The following FBN1 variants were observed in gnomAD, a reference collection of about 807,000 sequenced individuals.
FBN1 encodes the protein fibrillin-1.
Under a neutral mutation model 365.1 loss-of-function variants are expected in FBN1, and 29 were observed. That is an observed-to-expected ratio of 0.08 (90% CI 0.06 to 0.11). The LOEUF is 0.11. FBN1 is among the 10% of genes least tolerant of loss of function. FBN1 has a pLI of 1.00. For missense variants in FBN1, 2,476 were observed against 3,703.2 expected, an observed-to-expected ratio of 0.67 and a Z score of 8.60; for synonymous variants, 1,210 against 1,270.5, an observed-to-expected ratio of 0.95 and a Z score of 1.01.
intron 15 of FBN1, among the ~76,000 whole-genome samples, chr15:48,507,118 G>A (rs529495291): frequency 2.0e-5 from 3 of 152,266 alleles, no homozygotes; most frequent in South Asian, 2.1e-4. Context: ...ATGTTGGGAC[G>A]CTGTGGCCTG....
chr15:48,562,313 T>C (rs1246164515), intron 6 of FBN1, among the ~76,000 whole-genome samples: 1 of 152,184 alleles, frequency 6.6e-6, no homozygotes, highest in African/African-American at 2.4e-5. Flanking sequence ...ATTACTGTGA[T>C]ATATCTACTT....
chr15:48,437,111 G>A (rs751438568), intron 52 of FBN1, 34 bp from the exon 53 acceptor site: 5 of 1,427,342 alleles, frequency 3.5e-6, no homozygotes, highest in Non-Finnish European at 4.9e-6. Flanking sequence ...TGAATAACAA[G>A]GTATTTTTTA....
intron 19 of FBN1, 62 bp from the exon 20 acceptor site, chr15:48,496,287 C>A: frequency 6.2e-7 from 1 of 1,605,158 alleles, no homozygotes; most frequent in Non-Finnish European, 8.5e-7. Flanking sequence ...ATCTACTTTG[C>A]TCTTTTACAT....
chr15:48,435,724 A>ATGTGTATATATATG (rs1177439299), intron 53 of FBN1, among the ~76,000 whole-genome samples: 3 of 143,458 alleles, frequency 2.1e-5, no homozygotes, highest in Non-Finnish European at 3.0e-5. Flanking sequence ...GTGTATATAT[A>ATGTGTATATATATG]TGTGTATATA....
Position 48,487,198 on chromosome 15 carries a change from T to C in FBN1, c.3466A>G (p.Ile1156Val). The C allele has an allele frequency of 6.2e-7, 1 of 1,614,160 alleles. No individual in the cohort carries two copies. The highest frequency in any genetic ancestry group is 1.3e-5 in the African/African-American group (1 of 75,042). Residue 1156 changes from isoleucine to valine, a missense_variant and splice_region_variant, in exon 29 of 66, where the codon ATC (isoleucine) becomes GTC (valine). Coordinates refer to ENST00000316623, the MANE Select transcript of FBN1 (RefSeq NM_000138.5). ...LSPNISACIDINECELSAHLC... is the reference protein window; with the variant it reads ...LSPNISACIDVNECELSAHLC... Reference sequence around the variant, plus strand: ...TGTGCACTCAGCTCACATTCATTGATGTCTGTCGGGAAAATAAGAAGAACA... The same window carrying C: ...TGTGCACTCAGCTCACATTCATTGACGTCTGTCGGGAAAATAAGAAGAACA...
At chr15:48,559,529 T>C (rs139166484) in intron 6 of FBN1, among the ~76,000 whole-genome samples, 5 of 152,056 alleles carry the variant, frequency 3.3e-5, no homozygotes, top group Non-Finnish European at 7.4e-5. Flanking sequence ...CAAAGCACAG[T>C]TTTTACAATC....
In FBN1 at chr15:48,638,665, T is replaced by C. The variant is rs56108882; in HGVS notation, c.164+5941A>G. Among the ~76,000 whole-genome samples, 987 of 151,790 alleles carry C rather than the reference T, an allele frequency of 6.5e-3. 11 individuals carry two copies. Among genetic ancestry groups the C allele is most frequent in the African/African-American group, 0.023 (937 of 41,340 alleles). ...TATGGCTGCAATTTAATGTAAAAAA[T>C]TGGGCTGAGTTTACAGGCAACCAAG... On this transcript the variant is annotated intron_variant, in intron 2 of 65. Coordinates refer to ENST00000316623, the MANE Select transcript of FBN1 (RefSeq NM_000138.5).
At chr15:48,479,346 C>T (rs972594035) in intron 32 of FBN1, among the ~76,000 whole-genome samples, 2 of 152,114 alleles carry the variant, frequency 1.3e-5, no homozygotes, top group Non-Finnish European at 2.9e-5. Flanking sequence ...TGTTACTTAC[C>T]CAAGGAGAAC....
In FBN1 at chr15:48,412,757, G is replaced by A. The variant is rs373314776; in HGVS notation, c.8052-14C>T. 1 of 1,614,116 alleles carries A rather than the reference G, an allele frequency of 6.2e-7. No individual in the cohort carries two copies. Among genetic ancestry groups the A allele is most frequent in the Non-Finnish European group, 8.5e-7 (1 of 1,179,996 alleles). ...GAAACACAGTGCCTGCAGCAGAAGGGGAGCATAGATGTTTTTCATTAGAAT... is the reference window on the plus strand; with the variant it reads ...GAAACACAGTGCCTGCAGCAGAAGGAGAGCATAGATGTTTTTCATTAGAAT... On this transcript the variant is annotated splice_polypyrimidine_tract_variant and intron_variant, in intron 64 of 65. Coordinates refer to ENST00000316623, the MANE Select transcript of FBN1 (RefSeq NM_000138.5).
intron 6 of FBN1, among the ~76,000 whole-genome samples, chr15:48,582,652 G>C (rs2044404017): frequency 1.3e-5 from 2 of 152,174 alleles, no homozygotes; most frequent in African/African-American, 2.4e-5. Flanking sequence ...GCGTTCCCCA[G>C]GGACAAGACT....
intron 32 of FBN1, among the ~76,000 whole-genome samples, chr15:48,480,390 T>C (rs1258676925): frequency 2.0e-5 from 3 of 152,140 alleles, no homozygotes; most frequent in African/African-American, 4.8e-5. Context: ...ACCATAGACA[T>C]ACAAAGCTAG....
At chr15:48,465,765 T>C (rs750811357) in intron 39 of FBN1, 25 bp downstream of exon 39, 1 of 1,613,130 alleles carries the variant, frequency 6.2e-7, no homozygotes, top group East Asian at 2.2e-5. Context: ...TTGTGTGTGC[T>C]TTAAGACAAA....
chr15:48,430,552 G>C (rs1291625120), intron 56 of FBN1, 119 bp downstream of exon 56: 1 of 1,160,570 alleles, frequency 8.6e-7, no homozygotes, highest in Non-Finnish European at 1.3e-6. Flanking sequence ...CTGACATGCG[G>C]TTAAGAGAAC....
rs1168420539 is a variant in FBN1, at chr15:48,481,842, C to T, written c.3839-62G>A. On this transcript the variant is annotated intron_variant, in intron 31 of 65. Transcript: ENST00000316623. ...TTGATATCATTGAGTACTTTCCCCT[C>T]GAGACATAATAACTATGACAAATAC... The T allele has an allele frequency of 1.0e-5, 15 of 1,479,764 alleles. No homozygotes were observed. The East Asian group carries it at 1.8e-4, about 18-fold the overall frequency. 91.7% of individuals were successfully genotyped at this position (1,479,764 alleles called of 1,614,324 possible).
intron 1 of FBN1, among the ~76,000 whole-genome samples, chr15:48,645,270 G>C (rs973166107): frequency 6.6e-6 from 1 of 152,150 alleles, no homozygotes; most frequent in Non-Finnish European, 1.5e-5. Context: ...CGCGATGCGC[G>C]CTCTGAACGC....
At chr15:48,566,591 T>C (rs1013857272) in intron 6 of FBN1, among the ~76,000 whole-genome samples, 2 of 152,226 alleles carry the variant, frequency 1.3e-5, no homozygotes, top group East Asian at 3.9e-4. Flanking sequence ...TGTTGTAGCA[T>C]AAAACTTTGG....
At chr15:48,535,897 T>C (rs750870497) in intron 7 of FBN1, among the ~76,000 whole-genome samples, 1 of 152,196 alleles carries the variant, frequency 6.6e-6, no homozygotes, top group Non-Finnish European at 1.5e-5. Context: ...AAAATCAAGA[T>C]TTTTACATAT....
At chr15:48,584,045 T>G (rs1352408932) in intron 6 of FBN1, among the ~76,000 whole-genome samples, 1 of 152,184 alleles carries the variant, frequency 6.6e-6, no homozygotes, top group African/African-American at 2.4e-5. Flanking sequence ...TTCAGGGATA[T>G]GTGAACATTT....
intron 32 of FBN1, among the ~76,000 whole-genome samples, chr15:48,481,237 T>C (rs909531608): frequency 2.0e-5 from 3 of 152,174 alleles, no homozygotes; most frequent in Non-Finnish European, 2.9e-5. Flanking sequence ...ATATGAATTG[T>C]AGGATGTTTT....
Sources: allele counts gnomAD v4.1 joint callset (sites outside exome capture counted in the v4.1 genomes callset), GRCh38; gene constraint gnomAD v4.1.1; transcripts MANE v1.5; gene names NCBI Gene and HGNC (gene_info 2026-07-23, HGNC 2026-07-21).